Variants in MCPH1 observed in about 807,000 individuals in gnomAD.
MCPH1 encodes microcephalin 1.
A neutral mutation model predicts 84.5 loss-of-function variants in MCPH1; 104 were observed. The ratio of observed to expected loss-of-function variants is 1.23; its 90% CI spans 1.05 to 1.45. The LOEUF (loss-of-function observed/expected upper bound fraction) is 1.45. Among genes scored for constraint, MCPH1 ranks in the 40% most tolerant of loss-of-function variants. MCPH1 has a pLI of 0.00. For missense variants in MCPH1, 1,498 were observed against 1,005.7 expected (o/e 1.49, Z -6.62); for synonymous variants, 514 against 366.8 (o/e 1.40, Z -4.58).
At chr8:6,594,724 G>A (rs553062722) in intron 12 of MCPH1, among the ~76,000 whole-genome samples, 1 of 145,430 alleles carries the variant, frequency 6.9e-6, no homozygotes, top group East Asian at 2.0e-4. Context: ...GGACTGCAGG[G>A]GAAGGGAGGA....
intron 12 of MCPH1, among the ~76,000 whole-genome samples, chr8:6,518,749 T>C (rs1158939032): frequency 6.6e-6 from 1 of 152,216 alleles, no homozygotes; most frequent in African/African-American, 2.4e-5. Context: ...GTTGGTTCAA[T>C]ATGTAGCTGC....
At chr8:6,504,668 G>GA (rs928808798) in intron 12 of MCPH1, among the ~76,000 whole-genome samples, 1 of 152,022 alleles carries the variant, frequency 6.6e-6, no homozygotes, top group African/African-American at 2.4e-5. Context: ...AATAAGGAGA[G>GA]AAAAAAATCG....
At chr8:6,546,453 A>C (rs534727173) in intron 12 of MCPH1, among the ~76,000 whole-genome samples, 2 of 152,358 alleles carry the variant, frequency 1.3e-5, no homozygotes, top group East Asian at 3.9e-4. Context: ...ATTTGATTCC[A>C]AAGTTTGAGA....
At chr8:6,541,956 C>T (rs537980749) in intron 12 of MCPH1, among the ~76,000 whole-genome samples, 3 of 149,780 alleles carry the variant, frequency 2.0e-5, no homozygotes, top group East Asian at 3.9e-4. Context: ...TGCAGTGAGC[C>T]GTGATCGTGC....
intron 9 of MCPH1, among the ~76,000 whole-genome samples, chr8:6,467,678 C>G (rs937728311): frequency 2.6e-5 from 4 of 152,164 alleles, no homozygotes; most frequent in African/African-American, 7.2e-5. Flanking sequence ...TCACTGCAGC[C>G]TTGATTGCCT....
At chr8:6,493,287 T>C (rs140131716) in intron 11 of MCPH1, among the ~76,000 whole-genome samples, 1 of 152,322 alleles carries the variant, frequency 6.6e-6, no homozygotes, top group Non-Finnish European at 1.5e-5. Context: ...ATTTTCATTT[T>C]TGAAAACTGG....
chr8:6,554,158 C>G (rs1824167096), intron 12 of MCPH1, among the ~76,000 whole-genome samples: 1 of 150,300 alleles, frequency 6.7e-6, no homozygotes, highest in Non-Finnish European at 1.5e-5. Flanking sequence ...TAATAGTAGT[C>G]TTATCACCAG....
At chr8:6,460,959 G>T (rs548842634) in intron 9 of MCPH1, among the ~76,000 whole-genome samples, 1 of 152,148 alleles carries the variant, frequency 6.6e-6, no homozygotes, top group Non-Finnish European at 1.5e-5. Context: ...ACCATTCCTG[G>T]AGACGATGGG....
At chr8:6,443,073 A>G (rs557070010) in intron 7 of MCPH1, among the ~76,000 whole-genome samples, 71 of 152,316 alleles carry the variant, frequency 4.7e-4, no homozygotes, top group African/African-American at 1.7e-3. Context: ...GCACTCCTCT[A>G]AGTGTCTTAT....
Position 6,643,901 on chromosome 8 carries a change from C to T in MCPH1, c.*852C>T, listed in dbSNP as rs1481579183. Reference sequence around the variant, plus strand: ...GCAAGTGATCACAATGTCCACTGGCCGCTTTTTGCCTGCCGTCCTCGAGAT... The same window carrying T: ...GCAAGTGATCACAATGTCCACTGGCTGCTTTTTGCCTGCCGTCCTCGAGAT... On this transcript the variant is annotated 3_prime_UTR_variant, in exon 14 of 14. Transcript: ENST00000344683. 2.6e-5 allele frequency: 4 copies of T among 152,266 alleles called. No individual in the cohort carries two copies. Among genetic ancestry groups the T allele is most frequent in the East Asian group, 3.9e-4 (2 of 5,174 alleles). The allele number at this position is 152,266 out of a possible 1,614,324, so 9.4% of individuals were successfully genotyped here. A position where few individuals can be genotyped will look rare whatever the true frequency, so the allele number is the denominator to read the frequency against.
intron 10 of MCPH1, 47 bp from the exon 11 acceptor site, chr8:6,480,667 G>A: frequency 1.9e-6 from 3 of 1,608,926 alleles, no homozygotes; most frequent in African/African-American, 1.3e-5. Flanking sequence ...TGATGGGCAT[G>A]TGCAACAAAG....
At chr8:6,502,297 C>T (rs1013837911) in intron 12 of MCPH1, 1 of 151,958 alleles carries the variant, frequency 6.6e-6, no homozygotes, top group African/African-American at 2.4e-5. Context: ...ATAGGCATAT[C>T]CCCTAATAAG....
intron 12 of MCPH1, among the ~76,000 whole-genome samples, chr8:6,572,381 A>T (rs1037483752): frequency 6.6e-6 from 1 of 152,192 alleles, no homozygotes; most frequent in Non-Finnish European, 1.5e-5. Context: ...CAAGTATCAA[A>T]TCCACTTGTA....
intron 6 of MCPH1, among the ~76,000 whole-genome samples, chr8:6,440,345 T>G (rs2129555119): frequency 6.6e-6 from 1 of 152,330 alleles, no homozygotes; most frequent in Admixed American, 6.5e-5. Flanking sequence ...CGTGAATCCT[T>G]GTATTTCTGA....
In MCPH1 at chr8:6,499,919, C is replaced by T; in HGVS notation, c.2204C>T (p.Pro735Leu). The change falls in exon 12 of 14, where the codon CCT becomes CTT. Residue 735 changes from proline (P) to leucine (L), a missense_variant. Coordinates refer to ENST00000344683, the MANE Select transcript of MCPH1 (RefSeq NM_024596.5). ...CCGTTCGAACTGTCTCACCACTTCC[C>T]TGCAGCTCCCGTAAGTCAGATGTTG... ...EEPFELSHHF[P>L]AAPLCRSECH... 1.2e-6 allele frequency: 2 copies of T among 1,613,646 alleles called. No homozygotes were observed. Among genetic ancestry groups the T allele is most frequent in the Non-Finnish European group, 1.7e-6 (2 of 1,179,864 alleles).
In MCPH1 at chr8:6,577,930, C is replaced by G. The variant is rs114819325; in HGVS notation, c.2215-43524C>G. ...TAGCTCTAGAAAGGTCAAACCCTTCCGAGATGGAGTGTCTGTGGGGGTAGG... is the reference window on the plus strand; with the variant it reads ...TAGCTCTAGAAAGGTCAAACCCTTCGGAGATGGAGTGTCTGTGGGGGTAGG... On this transcript the variant is annotated intron_variant, in intron 12 of 13. Coordinates refer to ENST00000344683, the MANE Select transcript of MCPH1 (RefSeq NM_024596.5). Among the ~76,000 whole-genome samples the G allele has an allele frequency of 8.6e-3, 1,305 of 152,290 alleles. 19 individuals are homozygous for G. The highest frequency in any genetic ancestry group is 0.03 in the African/African-American group (1,251 of 41,558).
At chr8:6,591,583 T>C (rs1454154125) in intron 12 of MCPH1, among the ~76,000 whole-genome samples, 1 of 152,198 alleles carries the variant, frequency 6.6e-6, no homozygotes, top group African/African-American at 2.4e-5. Context: ...TTTAGAAATA[T>C]CTTTGCGGTT....
At chr8:6,461,392 C>G (rs1806277090) in intron 9 of MCPH1, among the ~76,000 whole-genome samples, 2 of 136,844 alleles carry the variant, frequency 1.5e-5, no homozygotes, top group Admixed American at 8.3e-5. Context: ...GTGGCCCAGT[C>G]TTGGCTCACT....
At chr8:6,547,345 G>T (rs1042306598) in intron 12 of MCPH1, among the ~76,000 whole-genome samples, 1 of 151,898 alleles carries the variant, frequency 6.6e-6, no homozygotes, top group Non-Finnish European at 1.5e-5. Context: ...CTGGAGGTCC[G>T]CCCCCTCTCT....
Sources: allele counts gnomAD v4.1 joint callset (sites outside exome capture counted in the v4.1 genomes callset), GRCh38; gene constraint gnomAD v4.1.1; transcripts MANE v1.5; gene names NCBI Gene and HGNC (gene_info 2026-07-23, HGNC 2026-07-21).